The following FOXJ3 variants were observed in gnomAD, a reference collection of about 807,000 sequenced individuals.
FOXJ3 encodes the protein forkhead box J3, also known as forkhead box protein J3.
Under a neutral mutation model 76.1 loss-of-function variants are expected in FOXJ3, and 22 were observed. That is an observed-to-expected ratio of 0.29 (90% CI 0.21 to 0.41). FOXJ3 has a LOEUF of 0.41. FOXJ3 is among the 10% of genes least tolerant of loss of function. The pLI is 1.00. For synonymous variants in FOXJ3, 269 were observed against 261.2 expected (o/e 1.03, Z -0.29); for missense variants, 613 against 762.1 (o/e 0.80, Z 2.30).
chr1:42,231,041 G>A (rs1467261378), intron 4 of FOXJ3, among the ~76,000 whole-genome samples: 3 of 152,030 alleles, frequency 2.0e-5, no homozygotes, highest in Non-Finnish European at 2.9e-5. Flanking sequence ...CTGGCCAGGC[G>A]CCGTGGCTCA....
At chr1:42,214,122 G>A (rs1013446683) in intron 5 of FOXJ3, among the ~76,000 whole-genome samples, 1 of 152,032 alleles carries the variant, frequency 6.6e-6, no homozygotes, top group Non-Finnish European at 1.5e-5. Flanking sequence ...TTTGGTATGA[G>A]GCACTGTACT....
intron 1 of FOXJ3, among the ~76,000 whole-genome samples, chr1:42,332,570 C>T (rs1656225271): frequency 6.6e-6 from 1 of 152,174 alleles, no homozygotes; most frequent in South Asian, 2.1e-4. Context: ...TCCCAGGACA[C>T]TCAGCTGAAA....
chr1:42,306,545 G>A (rs188752613), intron 2 of FOXJ3, among the ~76,000 whole-genome samples: 414 of 151,830 alleles, frequency 2.7e-3, no homozygotes, highest in African/African-American at 9.6e-3. Context: ...CTCGTGATCC[G>A]CCCACCTTGG....
chr1:42,282,698 C>T (rs559632968), intron 2 of FOXJ3, among the ~76,000 whole-genome samples: 1 of 152,256 alleles, frequency 6.6e-6, no homozygotes, highest in East Asian at 1.9e-4. Flanking sequence ...ATGTCCTTTC[C>T]TTCTCTGTCT....
intron 11 of FOXJ3, among the ~76,000 whole-genome samples, chr1:42,188,311 T>C (rs1646477588): frequency 6.6e-6 from 1 of 152,196 alleles, no homozygotes; most frequent in South Asian, 2.1e-4. Flanking sequence ...TTCCATTACG[T>C]CTACTCTTCA....
intron 1 of FOXJ3, among the ~76,000 whole-genome samples, chr1:42,329,924 A>G (rs1656056645): frequency 6.6e-6 from 1 of 152,210 alleles, no homozygotes; most frequent in South Asian, 2.1e-4. Context: ...AGTGATTAAG[A>G]GCCACAGAGT....
chr1:42,283,677 TAGAACTC>T (rs917790640), intron 2 of FOXJ3, among the ~76,000 whole-genome samples: 3 of 152,198 alleles, frequency 2.0e-5, no homozygotes, highest in African/African-American at 7.2e-5. Flanking sequence ...CTGAGCAACT[TAGAACTC>T]AGGAGAAATT....
intron 2 of FOXJ3, among the ~76,000 whole-genome samples, chr1:42,287,340 A>T (rs1653125742): frequency 6.6e-6 from 1 of 151,348 alleles, no homozygotes; most frequent in Non-Finnish European, 1.5e-5. Flanking sequence ...ACTCCATCTT[A>T]AAAAAAAATA....
At chr1:42,222,029 G>GA (rs1557649412) in intron 5 of FOXJ3, among the ~76,000 whole-genome samples, 465 of 3,844 alleles carry the variant, frequency 0.12, 189 homozygotes, top group Middle Eastern at 0.33. Context: ...AAGGGGGAGG[G>GA]GGAGGAGAAG....
At position 42,332,135 on chromosome 1, in the gene FOXJ3, C is replaced by T. The variant is rs576761984; in HGVS notation, c.-18+2924G>A. Among the ~76,000 whole-genome samples, 130 of 152,280 alleles carry T rather than the reference C, an allele frequency of 8.5e-4. 1 individual carries two copies. Among genetic ancestry groups the T allele is most frequent in the Middle Eastern group, 6.8e-3 (2 of 294 alleles). ...ACACCCTGCCCTTGTAGAAAATCTT[C>T]CTATCCTGGAAATGATGCACTTTCT... On this transcript the variant is annotated intron_variant, in intron 1 of 12. Coordinates refer to ENST00000361346, the MANE Select transcript of FOXJ3 (RefSeq NM_014947.5).
At chr1:42,326,438 C>A (rs983932620) in intron 1 of FOXJ3, among the ~76,000 whole-genome samples, 1 of 151,788 alleles carries the variant, frequency 6.6e-6, no homozygotes, top group African/African-American at 2.4e-5. Flanking sequence ...TCTTTTTTTT[C>A]TATGCAGATA....
chr1:42,271,746 T>A (rs1281435120), intron 3 of FOXJ3, among the ~76,000 whole-genome samples: 1 of 152,112 alleles, frequency 6.6e-6, no homozygotes, highest in Non-Finnish European at 1.5e-5. Flanking sequence ...CCTCCTGGGC[T>A]CTAGTAATCC....
chr1:42,235,345 G>A lies in FOXJ3; in HGVS notation c.445-7379C>T, dbSNP rs144637322. ...GAAAGGGAATTCCCTGACCCCTTGCGTTTTTCGGGTGAGGTAATGCCTCGC... is the reference window on the plus strand; with the variant it reads ...GAAAGGGAATTCCCTGACCCCTTGCATTTTTCGGGTGAGGTAATGCCTCGC... On this transcript the variant is annotated intron_variant, in intron 4 of 12. Transcript: ENST00000361346. 6.9e-3 allele frequency among the ~76,000 whole-genome samples: 1,052 copies of A among 152,316 alleles called. 8 individuals carry two copies. The highest frequency in any genetic ancestry group is 0.02 in the Middle Eastern group (6 of 294).
intron 4 of FOXJ3, among the ~76,000 whole-genome samples, chr1:42,261,105 T>G (rs901692421): frequency 3.9e-5 from 6 of 152,154 alleles, no homozygotes; most frequent in African/African-American, 1.2e-4. Flanking sequence ...TAAACTATAT[T>G]TAGCCAGTAA....
At chr1:42,230,608 G>A (rs562699275) in intron 4 of FOXJ3, among the ~76,000 whole-genome samples, 4 of 152,166 alleles carry the variant, frequency 2.6e-5, no homozygotes, top group African/African-American at 4.8e-5. Context: ...TATGAGGTCA[G>A]GCATGGAATT....
intron 1 of FOXJ3, among the ~76,000 whole-genome samples, chr1:42,321,982 G>T (rs938521361): frequency 2.6e-5 from 4 of 151,906 alleles, no homozygotes; most frequent in African/African-American, 9.7e-5. Context: ...CTGGAATATC[G>T]AATTAACTTG....
At chr1:42,251,938 C>T (rs1317574931) in intron 4 of FOXJ3, among the ~76,000 whole-genome samples, 4 of 151,968 alleles carry the variant, frequency 2.6e-5, no homozygotes, top group South Asian at 2.1e-4. Context: ...AGGATGGTCT[C>T]GATCTCCTGA....
intron 1 of FOXJ3, among the ~76,000 whole-genome samples, chr1:42,325,672 G>A (rs1655791411): frequency 6.6e-6 from 1 of 152,208 alleles, no homozygotes; most frequent in Admixed American, 6.5e-5. Flanking sequence ...CTTATAAGTA[G>A]ATCCTTAAGT....
intron 1 of FOXJ3, among the ~76,000 whole-genome samples, chr1:42,322,566 G>C (rs988945585): frequency 1.3e-5 from 2 of 152,062 alleles, no homozygotes; most frequent in Non-Finnish European, 2.9e-5. Context: ...CAAAAGGGCA[G>C]TTGGATTAAA....
Sources: gnomAD v4.1 joint callset for allele counts (sites outside exome capture counted in the v4.1 genomes callset) on GRCh38, gnomAD v4.1.1 for gene constraint, MANE v1.5 for transcripts, NCBI Gene and HGNC (gene_info 2026-07-23, HGNC 2026-07-21) for gene names.